Variants in MAGEC3 observed in about 807,000 individuals in gnomAD.
The protein encoded by MAGEC3 is MAGE family member C3, also known as melanoma-associated antigen C3.
A neutral mutation model predicts 35.3 loss-of-function variants in MAGEC3; 34 were observed. The ratio of observed to expected loss-of-function variants is 0.96; its 90% CI spans 0.73 to 1.28. The LOEUF is 1.28. Among genes scored for constraint, MAGEC3 ranks in the 50% most tolerant of loss-of-function variants. The pLI, the probability that MAGEC3 is intolerant of heterozygous loss-of-function variation, is 0.00. For synonymous variants in MAGEC3, 202 were observed against 185.6 expected (o/e 1.09, Z -0.72); for missense variants, 561 against 483.6 (o/e 1.16, Z -1.50).
rs974880448 is a variant in MAGEC3 at position 141,839,876 on chromosome X, A to G, written c.123+1438A>G. 11 of 459,631 alleles carry G rather than the reference A, an allele frequency of 2.4e-5. No individual in the cohort carries two copies. The African/African-American group carries it at 2.9e-4, about 12-fold the overall frequency. 37.9% of individuals were successfully genotyped at this position (459,631 alleles called of 1,213,427 possible). On this transcript the variant is annotated intron_variant, in intron 1 of 7. Transcript: ENST00000298296. Reference sequence around the variant, plus strand: ...TGCTACTGGTATTTAATAAGCAGAGACAGAGATGCTTCTAAGCGTCTTATT... The same window carrying G: ...TGCTACTGGTATTTAATAAGCAGAGGCAGAGATGCTTCTAAGCGTCTTATT...
chrX:141,879,783 C>T (rs1001027787), intron 3 of MAGEC3, among the ~76,000 whole-genome samples: 4 of 110,990 alleles, frequency 3.6e-5, no homozygotes, highest in African/African-American at 1.3e-4. Context: ...ACTGAGGGAC[C>T]TCCCACCACA....
Position 141,897,329 on chromosome X carries a change from T to C in MAGEC3, c.1571T>C (p.Phe524Ser), listed in dbSNP as rs771977573. 1 of 1,210,313 alleles carries C rather than the reference T, an allele frequency of 8.3e-7. No homozygotes were observed. The highest frequency in any genetic ancestry group is 1.7e-5 in the African/African-American group (1 of 57,312). Residue 524 changes from phenylalanine (F) to serine (S), a missense_variant, in exon 7 of 8, where the codon TTC becomes TCC. Phe to Ser is a radical substitution (Grantham distance 155). Coordinates refer to ENST00000298296, the MANE Select transcript of MAGEC3 (RefSeq NM_138702.1). ...TDMDPDNHSY[F>S]FEDTLDLTYE... ...ATGGACCCCGACAACCACTCCTATT[T>C]CTTTGAAGACACATTAGACCTCACC...
intron 1 of MAGEC3, among the ~76,000 whole-genome samples, chrX:141,857,861 A>C (rs1432244132): frequency 1.8e-5 from 2 of 111,442 alleles, no homozygotes; most frequent in Non-Finnish European, 3.8e-5. Flanking sequence ...CTCCAGTATA[A>C]TATGCAGTTC....
rs184762354 is a variant in MAGEC3, at chrX:141,866,526, A to G, written c.258+921A>G. ...GCTAATAGAAATGCAAGCTAGTGCA[A>G]CCTTTTTGGAAAGCAATCAAGCCTA... On this transcript the variant is annotated intron_variant, in intron 2 of 7. Transcript: ENST00000298296. Among the ~76,000 whole-genome samples, 103 of 112,324 alleles carry G rather than the reference A, an allele frequency of 9.2e-4. 1 individual carries two copies. Among genetic ancestry groups the G allele is most frequent in the Non-Finnish European group, 1.5e-3 (82 of 53,301 alleles).
chrX:141,843,513 A>G (rs2017698075), intron 1 of MAGEC3, among the ~76,000 whole-genome samples: 1 of 111,774 alleles, frequency 8.9e-6, no homozygotes, highest in African/African-American at 3.2e-5. Context: ...GAGAAAGCTC[A>G]TCTTCTCTAA....
At chrX:141,895,923 G>A (rs1013918652) in intron 6 of MAGEC3, among the ~76,000 whole-genome samples, 1 of 111,885 alleles carries the variant, frequency 8.9e-6, no homozygotes, top group Non-Finnish European at 1.9e-5. Context: ...CCGTGGTAGA[G>A]TGCTGGGAGG....
At chrX:141,840,488 A>C (rs1268006236) in intron 1 of MAGEC3, among the ~76,000 whole-genome samples, 2 of 112,090 alleles carry the variant, frequency 1.8e-5, no homozygotes, top group Middle Eastern at 4.7e-3. Flanking sequence ...TATTATTTTG[A>C]ATTTGTTCTA....
At chrX:141,862,360 G>A (rs904431379) in intron 1 of MAGEC3, among the ~76,000 whole-genome samples, 6 of 111,675 alleles carry the variant, frequency 5.4e-5, no homozygotes, top group African/African-American at 1.9e-4. Context: ...CAAATGCAAT[G>A]GAAAACAGTA....
chrX:141,856,449 G>C (rs781691543), intron 1 of MAGEC3, among the ~76,000 whole-genome samples: 5 of 110,861 alleles, frequency 4.5e-5, no homozygotes, highest in African/African-American at 6.5e-5. Context: ...TGAGAGAGTC[G>C]GCTTTTTAAA....
At chrX:141,863,408 T>C (rs1434664610) in intron 1 of MAGEC3, among the ~76,000 whole-genome samples, 1 of 111,440 alleles carries the variant, frequency 9.0e-6, no homozygotes, top group Non-Finnish European at 1.9e-5. Flanking sequence ...TACATGACAT[T>C]ATATATTTGT....
At chrX:141,868,047 C>G (rs934448305) in intron 2 of MAGEC3, among the ~76,000 whole-genome samples, 1 of 110,088 alleles carries the variant, frequency 9.1e-6, no homozygotes, top group Non-Finnish European at 1.9e-5. Flanking sequence ...GGTGTGAACC[C>G]GGGAGGCGGA....
intron 1 of MAGEC3, among the ~76,000 whole-genome samples, chrX:141,856,299 T>G (rs924310499): frequency 2.7e-5 from 3 of 111,472 alleles, no homozygotes; most frequent in African/African-American, 9.8e-5. Flanking sequence ...CTACATAATT[T>G]AGGAGTCCTT....
intron 2 of MAGEC3, among the ~76,000 whole-genome samples, chrX:141,868,982 C>T (rs112703632): frequency 0.019 from 2,067 of 109,429 alleles, 54 homozygotes; most frequent in African/African-American, 0.065. Context: ...CTCGGGTTCA[C>T]GCCATTCTCC....
At position 141,897,057 on chromosome X, in the gene MAGEC3, C is replaced by T. The variant is rs766391036; in HGVS notation, c.1299C>T (p.Ser433=). 1 of 1,211,395 alleles carries T rather than the reference C, an allele frequency of 8.3e-7. No individual in the cohort carries two copies. Among genetic ancestry groups the T allele is most frequent in the South Asian group, 1.8e-5 (1 of 56,913 alleles). Residue 433 remains serine (S), a synonymous_variant, in exon 7 of 8, where the codon AGC becomes AGT. Transcript: ENST00000298296. ...GGACCCGATTGGATGAGGAGTCCAGCAGTGAAGAGGAGGATACAGCTACTT... is the reference window on the plus strand; with the variant it reads ...GGACCCGATTGGATGAGGAGTCCAGTAGTGAAGAGGAGGATACAGCTACTT... ...LLWTRLDEES[S]SEEEDTATWH... is the part of the protein sequence containing the mutation.
intron 4 of MAGEC3, among the ~76,000 whole-genome samples, chrX:141,886,407 A>G (rs1183597546): frequency 9.0e-6 from 1 of 110,865 alleles, no homozygotes; most frequent in Non-Finnish European, 1.9e-5. Flanking sequence ...TCAACAATTT[A>G]TGCTGTTAAT....
At chrX:141,871,783 A>G (rs1330411747) in intron 2 of MAGEC3, among the ~76,000 whole-genome samples, 1 of 110,949 alleles carries the variant, frequency 9.0e-6, no homozygotes, top group East Asian at 2.9e-4. Flanking sequence ...CTTTAAATCT[A>G]GCCACTTCCC....
chrX:141,883,809 A>G (rs962049034), intron 4 of MAGEC3, among the ~76,000 whole-genome samples: 4 of 113,060 alleles, frequency 3.5e-5, no homozygotes, highest in Admixed American at 9.3e-5. Context: ...CAATAACAAA[A>G]TCCTTAATAC....
intron 4 of MAGEC3, among the ~76,000 whole-genome samples, chrX:141,886,837 C>T (rs2018005956): frequency 9.0e-6 from 1 of 111,611 alleles, no homozygotes; most frequent in African/African-American, 3.3e-5. Flanking sequence ...GATATTAGAG[C>T]TGCCTCTACC....
rs1466754983 is a variant in MAGEC3, at chrX:141,897,310, C to A, written c.1552C>A (p.Pro518Thr). The A allele has an allele frequency of 7.4e-6, 9 of 1,209,873 alleles. No homozygotes were observed. Among genetic ancestry groups the A allele is most frequent in the African/African-American group, 5.2e-5 (3 of 57,198 alleles). ...TGGCATTGCCCTGACTGATATGGAC[C>A]CCGACAACCACTCCTATTTCTTTGA... is the stretch of plus-strand genomic sequence containing the variant. ...IFGIALTDMD[P>T]DNHSYFFEDT... Residue 518 changes from proline (P) to threonine (T), a missense_variant, in exon 7 of 8, where the codon CCC becomes ACC. Pro to Thr is a conservative substitution (Grantham distance 38). Coordinates refer to ENST00000298296, the MANE Select transcript of MAGEC3 (RefSeq NM_138702.1).
Sources: gnomAD v4.1 joint callset for allele counts (sites outside exome capture counted in the v4.1 genomes callset) on GRCh38, gnomAD v4.1.1 for gene constraint, MANE v1.5 for transcripts, NCBI Gene and HGNC (gene_info 2026-07-23, HGNC 2026-07-21) for gene names.